Variants in ABAT observed in about 807,000 individuals in gnomAD.
The protein encoded by ABAT is 4-aminobutyrate aminotransferase, also known as 4-aminobutyrate aminotransferase, mitochondrial.
Under a neutral mutation model 64.6 loss-of-function variants are expected in ABAT, and 45 were observed. The observed-to-expected ratio is 0.70, with a 90% CI of 0.55 to 0.89. The LOEUF is 0.89. Among genes scored for constraint, ABAT ranks in the 40% least tolerant of loss-of-function variants. The probability of loss-of-function intolerance (pLI) is 0.00; values close to 1 mark genes in which losing one functional copy is unlikely to be tolerated. For missense variants in ABAT, 633 were observed against 658.4 expected (o/e 0.96, Z 0.42); for synonymous variants, 297 against 250.5 (o/e 1.19, Z -1.75).
intron 4 of ABAT, among the ~76,000 whole-genome samples, chr16:8,749,302 C>T (rs2059413228): frequency 6.8e-6 from 1 of 146,184 alleles, no homozygotes; most frequent in Non-Finnish European, 1.5e-5. Context: ...GTTGGTCAGG[C>T]TGGTCTCGAA....
rs939923862 is a variant in ABAT at position 8,782,133 on chromosome 16, C to T, written c.*703C>T. 2 of 153,252 alleles carry T rather than the reference C, an allele frequency of 1.3e-5. No homozygotes were observed. The highest frequency in any genetic ancestry group is 1.9e-4 in the East Asian group (1 of 5,200). 9.5% of individuals were successfully genotyped at this position (153,252 alleles called of 1,614,324 possible). A position where few individuals can be genotyped will look rare whatever the true frequency, so the allele number is the denominator to read the frequency against. On this transcript the variant is annotated 3_prime_UTR_variant, in exon 16 of 16. Coordinates refer to ENST00000268251, the MANE Select transcript of ABAT (RefSeq NM_020686.6). ...TGGAGGATCCCCAGGTGGCCTTACC[C>T]GTGATTCTTACTCGGCATCCTCCAT...
chr16:8,698,726 C>T (rs974519852), intron 1 of ABAT, among the ~76,000 whole-genome samples: 6 of 152,114 alleles, frequency 3.9e-5, no homozygotes, highest in Non-Finnish European at 7.4e-5. Flanking sequence ...GGGCAGATCA[C>T]GTGAGGTCAG....
chr16:8,711,836 A>G (rs901286572), intron 1 of ABAT, among the ~76,000 whole-genome samples: 2 of 151,962 alleles, frequency 1.3e-5, no homozygotes, highest in Non-Finnish European at 2.9e-5. Context: ...GGAAAAATGG[A>G]TGGGAAGATG....
chr16:8,756,923 A>G (rs572338025), intron 5 of ABAT, among the ~76,000 whole-genome samples: 2 of 152,268 alleles, frequency 1.3e-5, no homozygotes, highest in Non-Finnish European at 2.9e-5. Context: ...CCCAGTCTGG[A>G]TGGTAAATGC....
intron 1 of ABAT, among the ~76,000 whole-genome samples, chr16:8,734,260 C>CCA (rs2058846620): frequency 6.6e-6 from 1 of 152,176 alleles, no homozygotes; most frequent in Non-Finnish European, 1.5e-5. Context: ...TAATGATGCC[C>CCA]TTGTTTATGT....
At chr16:8,745,563 G>T (rs2059304822) in intron 2 of ABAT, among the ~76,000 whole-genome samples, 1 of 152,034 alleles carries the variant, frequency 6.6e-6, no homozygotes. Flanking sequence ...CAGGCATGGT[G>T]GTGCGTGCCT....
intron 5 of ABAT, among the ~76,000 whole-genome samples, chr16:8,753,512 C>G (rs1482555710): frequency 6.6e-6 from 1 of 152,190 alleles, no homozygotes; most frequent in African/African-American, 2.4e-5. Context: ...TCAGAGGGAC[C>G]AGCTCCGCTT....
chr16:8,697,247 G>A (rs745744828), intron 1 of ABAT, among the ~76,000 whole-genome samples: 27 of 152,174 alleles, frequency 1.8e-4, no homozygotes, highest in Non-Finnish European at 3.7e-4. Flanking sequence ...CAGGTCCCAC[G>A]TTGGGAGGAC....
chr16:8,737,989 G>A (rs201758037), intron 2 of ABAT, among the ~76,000 whole-genome samples: 813 of 16,840 alleles, frequency 0.048, 237 homozygotes, highest in Non-Finnish European at 0.053. Context: ...AGGAAGGAAG[G>A]AGGAAAGAAA....
chr16:8,743,441 A>ATATATATATATATATG (rs1158084095), intron 2 of ABAT, among the ~76,000 whole-genome samples: 1,898 of 88,974 alleles, frequency 0.021, 113 homozygotes, highest in African/African-American at 0.066. Context: ...ATATATATAT[A>ATATATATATATATATG]TATACACACA....
At chr16:8,706,440 A>G (rs920031600) in intron 1 of ABAT, among the ~76,000 whole-genome samples, 11 of 148,340 alleles carry the variant, frequency 7.4e-5, no homozygotes, top group Non-Finnish European at 1.3e-4. Flanking sequence ...ACCAGGCATG[A>G]TGGCTCATCA....
At chr16:8,759,436 A>G (rs933861097) in intron 6 of ABAT, among the ~76,000 whole-genome samples, 1 of 151,116 alleles carries the variant, frequency 6.6e-6, no homozygotes, top group African/African-American at 2.4e-5. Context: ...GCCCCCACCC[A>G]GTTATTATTC....
chr16:8,738,067 C>T (rs567069379), intron 2 of ABAT, among the ~76,000 whole-genome samples: 3 of 147,502 alleles, frequency 2.0e-5, no homozygotes, highest in Non-Finnish European at 4.5e-5. Flanking sequence ...ACAGCTGTAA[C>T]CCCAGCAATT....
chr16:8,773,187 T>G, intron 12 of ABAT, among the ~76,000 whole-genome samples: 1 of 150,998 alleles, frequency 6.6e-6, no homozygotes, highest in Non-Finnish European at 1.5e-5. Context: ...AGTCTCACTC[T>G]GTTACCCAGG....
intron 1 of ABAT, among the ~76,000 whole-genome samples, chr16:8,687,000 TG>T (rs1466539535): frequency 3.3e-5 from 5 of 152,104 alleles, no homozygotes; most frequent in Non-Finnish European, 7.3e-5. Flanking sequence ...TGGCCTTGGA[TG>T]GGTGGAGGTG....
At chr16:8,708,844 G>T (rs1241472838) in intron 1 of ABAT, among the ~76,000 whole-genome samples, 1 of 152,122 alleles carries the variant, frequency 6.6e-6, no homozygotes, top group East Asian at 1.9e-4. Flanking sequence ...GCTTGTAAGA[G>T]CACCTACTCC....
chr16:8,682,564 C>T (rs893751198), intron 1 of ABAT, among the ~76,000 whole-genome samples: 1 of 151,698 alleles, frequency 6.6e-6, no homozygotes, highest in African/African-American at 2.4e-5. Flanking sequence ...AGAATGCTCC[C>T]AACTCTATTT....
At chr16:8,685,234 C>T (rs1379141690) in intron 1 of ABAT, among the ~76,000 whole-genome samples, 2 of 151,914 alleles carry the variant, frequency 1.3e-5, no homozygotes, top group Non-Finnish European at 1.5e-5. Flanking sequence ...TGCAGTGAGC[C>T]AGGATCACGC....
chr16:8,762,296 A>G (rs1046291989), intron 6 of ABAT, among the ~76,000 whole-genome samples: 31 of 152,348 alleles, frequency 2.0e-4, no homozygotes, highest in African/African-American at 7.0e-4. Context: ...TGACCAAGTA[A>G]GACACCTGCC....
Sources: gnomAD v4.1 joint callset for allele counts (sites outside exome capture counted in the v4.1 genomes callset) on GRCh38, gnomAD v4.1.1 for gene constraint, MANE v1.5 for transcripts, NCBI Gene and HGNC (gene_info 2026-07-23, HGNC 2026-07-21) for gene names.